Variants in CNKSR3 observed in about 807,000 individuals in gnomAD.
CNKSR3 encodes CNKSR family member 3, also known as connector enhancer of kinase suppressor of ras 3.
A neutral mutation model predicts 67.7 loss-of-function variants in CNKSR3; 36 were observed. The ratio of observed to expected loss-of-function variants is 0.53; its 90% CI spans 0.41 to 0.70. The LOEUF is 0.70. Among genes scored for constraint, CNKSR3 ranks in the 30% least tolerant of loss-of-function variants. The probability of loss-of-function intolerance (pLI) is 0.00; values close to 1 mark genes in which losing one functional copy is unlikely to be tolerated. For synonymous variants in CNKSR3, 281 were observed against 271.4 expected (o/e 1.04, Z -0.35); for missense variants, 630 against 695.2 (o/e 0.91, Z 1.05).
rs41292910 is a variant in CNKSR3, at chr6:154,414,362, T to C, written c.1007A>G (p.Lys336Arg). ...PESTMDTSLK[K>R]EKSAILDLYI... Reference sequence around the variant, plus strand: ...AAGATCCAGGATGGCTGACTTCTCCTTCTTCAGTGAGGTATCCATAGTGCT... The same window carrying C: ...AAGATCCAGGATGGCTGACTTCTCCCTCTTCAGTGAGGTATCCATAGTGCT... The change falls in exon 10 of 13, where the codon AAG becomes AGG. Residue 336 changes from lysine to arginine, a missense_variant. Coordinates refer to ENST00000607772, the MANE Select transcript of CNKSR3 (RefSeq NM_173515.4). 2,506 of 1,612,130 alleles carry C rather than the reference T, an allele frequency of 1.6e-3. 5 individuals carry two copies. Among genetic ancestry groups the C allele is most frequent in the Non-Finnish European group, 2.0e-3 (2,313 of 1,179,316 alleles).
chr6:154,494,406 A>G (rs1271099181), intron 1 of CNKSR3, among the ~76,000 whole-genome samples: 1 of 152,180 alleles, frequency 6.6e-6, no homozygotes, highest in Non-Finnish European at 1.5e-5. Context: ...ACAACTCAAG[A>G]TGAGATTTGG....
In CNKSR3 at chr6:154,389,152, G is replaced by A. The variant is rs1433770881; in HGVS notation, c.*17202C>T. The stretch of plus-strand genomic sequence containing the variant: ...CCTGTGTTTTGGGGGTCATATCCAT[G>A]AAATCATTGACAAGACCAATGTCAA... On this transcript the variant is annotated 3_prime_UTR_variant, in exon 13 of 13. Coordinates refer to ENST00000607772, the MANE Select transcript of CNKSR3 (RefSeq NM_173515.4). The A allele has an allele frequency of 6.6e-6, 1 of 152,168 alleles. No individual in the cohort carries two copies. The highest frequency in any genetic ancestry group is 1.5e-5 in the Non-Finnish European group (1 of 68,024). 9.4% of individuals were successfully genotyped at this position (152,168 alleles called of 1,614,324 possible).
At chr6:154,425,019 G>A (rs9479848) in intron 7 of CNKSR3, among the ~76,000 whole-genome samples, 15,339 of 152,188 alleles carry the variant, frequency 0.1, 1,543 homozygotes, top group African/African-American at 0.27. Flanking sequence ...TAATCCGCCC[G>A]CCTTGGCCTC....
intron 4 of CNKSR3, 22 bp from the exon 5 acceptor site, chr6:154,433,529 A>G: frequency 6.4e-7 from 1 of 1,561,798 alleles, no homozygotes; most frequent in Non-Finnish European, 8.8e-7. Flanking sequence ...GATGGAGAAA[A>G]TGAATACTAA....
At chr6:154,458,591 C>T (rs762459281) in intron 1 of CNKSR3, among the ~76,000 whole-genome samples, 3 of 152,058 alleles carry the variant, frequency 2.0e-5, no homozygotes, top group Non-Finnish European at 2.9e-5. Context: ...CCCTCGGGCC[C>T]CTTTGCTGCC....
At chr6:154,430,098 G>C (rs1055904089) in intron 6 of CNKSR3, among the ~76,000 whole-genome samples, 2 of 152,170 alleles carry the variant, frequency 1.3e-5, no homozygotes, top group Non-Finnish European at 2.9e-5. Context: ...AAGAATCACT[G>C]CCTTCAGCCA....
chr6:154,426,733 G>C (rs1372997829), intron 7 of CNKSR3, among the ~76,000 whole-genome samples: 1 of 152,174 alleles, frequency 6.6e-6, no homozygotes, highest in African/African-American at 2.4e-5. Context: ...TAGTGCTCCA[G>C]ATCCAAGAGG....
At chr6:154,463,499 G>T (rs1290476682) in intron 1 of CNKSR3, among the ~76,000 whole-genome samples, 1 of 152,140 alleles carries the variant, frequency 6.6e-6, no homozygotes, top group Non-Finnish European at 1.5e-5. Flanking sequence ...AGTACGGCAG[G>T]GGAAGAATCC....
intron 1 of CNKSR3, among the ~76,000 whole-genome samples, chr6:154,491,384 C>A (rs903670008): frequency 1.3e-5 from 2 of 152,208 alleles, no homozygotes; most frequent in African/African-American, 2.4e-5. Flanking sequence ...CTGGTGAATT[C>A]TATTTCAAGT....
intron 4 of CNKSR3, among the ~76,000 whole-genome samples, chr6:154,440,272 A>C (rs988167015): frequency 6.6e-6 from 1 of 152,166 alleles, no homozygotes; most frequent in South Asian, 2.1e-4. Context: ...TCAGAATTGC[A>C]TCTCTGTTAT....
chr6:154,416,070 CG>C (rs1432287535), intron 9 of CNKSR3, among the ~76,000 whole-genome samples: 1 of 152,050 alleles, frequency 6.6e-6, no homozygotes, highest in Non-Finnish European at 1.5e-5. Context: ...CACTTGAGCT[CG>C]AGAGTTCAAG....
chr6:154,433,562 G>A, intron 4 of CNKSR3, 55 bp from the exon 5 acceptor site: 8 of 1,346,904 alleles, frequency 5.9e-6, no homozygotes, highest in Non-Finnish European at 8.4e-6. Flanking sequence ...AAAACGTTCA[G>A]AACTGTTGGC....
rs1256807752 is a variant in CNKSR3, at chr6:154,393,503, T to C, written c.*12851A>G. 2 of 152,244 alleles carry C rather than the reference T, an allele frequency of 1.3e-5. No individual in the cohort carries two copies. The highest frequency in any genetic ancestry group is 2.9e-5 in the Non-Finnish European group (2 of 68,038). 9.4% of individuals were successfully genotyped at this position (152,244 alleles called of 1,614,324 possible). A position where few individuals can be genotyped will look rare whatever the true frequency, so the allele number is the denominator to read the frequency against. ...TTGCAAAATGCCTTTTCGCTCGTTT[T>C]TGTGTTGATTTGTCATTCTCTTGCC... On this transcript the variant is annotated 3_prime_UTR_variant, in exon 13 of 13. Coordinates refer to ENST00000607772, the MANE Select transcript of CNKSR3 (RefSeq NM_173515.4).
chr6:154,452,855 G>T (rs985572935), intron 1 of CNKSR3, among the ~76,000 whole-genome samples: 1 of 152,152 alleles, frequency 6.6e-6, no homozygotes, highest in Non-Finnish European at 1.5e-5. Flanking sequence ...AAGGAGAGAG[G>T]CCTCAGAAGA....
In CNKSR3 at chr6:154,411,055, G is replaced by T. The variant is rs1248130022; in HGVS notation, c.1158C>A (p.Ser386=). 1.2e-6 allele frequency: 2 copies of T among 1,614,138 alleles called. No homozygotes were observed. Among genetic ancestry groups the T allele is most frequent in the Non-Finnish European group, 1.7e-6 (2 of 1,180,018 alleles). Residue 386 remains serine (S), a synonymous_variant, in exon 11 of 13, where the codon TCC becomes TCA. Coordinates refer to ENST00000607772, the MANE Select transcript of CNKSR3 (RefSeq NM_173515.4). ...PGPKGSESPN[S]FLDQESRRRR... The stretch of plus-strand genomic sequence containing the variant: ...GTCTCCGGCTTTCCTGGTCCAAGAA[G>T]GAATTCGGGGACTCTGAACCCTTAG...
Position 154,392,347 on chromosome 6 carries a change from G to T in CNKSR3, c.*14007C>A, listed in dbSNP as rs1236493981. 6.6e-6 allele frequency: 1 copy of T among 152,162 alleles called. No homozygotes were observed. Among genetic ancestry groups the T allele is most frequent in the African/African-American group, 2.4e-5 (1 of 41,432 alleles). 9.4% of individuals were successfully genotyped at this position (152,162 alleles called of 1,614,324 possible). The stretch of plus-strand genomic sequence containing the variant: ...TTTACTTGCTGCAGAATATTCCATG[G>T]TAAGAATATACCACATGTAAACCTT... On this transcript the variant is annotated 3_prime_UTR_variant, in exon 13 of 13. Coordinates refer to ENST00000607772, the MANE Select transcript of CNKSR3 (RefSeq NM_173515.4).
At position 154,405,149 on chromosome 6, in the gene CNKSR3, C is replaced by A. The variant is rs1414079737; in HGVS notation, c.*1205G>T. 6.6e-6 allele frequency: 1 copy of A among 152,502 alleles called. No homozygotes were observed. Among genetic ancestry groups the A allele is most frequent in the Non-Finnish European group, 1.5e-5 (1 of 68,024 alleles). The allele number at this position is 152,502 out of a possible 1,614,324, so 9.4% of individuals were successfully genotyped here. On this transcript the variant is annotated 3_prime_UTR_variant, in exon 13 of 13. Transcript: ENST00000607772. ...TTCTAATCCATAAAATCCCAAAATG[C>A]TTGGGAGGGTTTATTTTGATTTTTT... is the stretch of plus-strand genomic sequence containing the variant.
chr6:154,413,139 T>C (rs1784942362), intron 10 of CNKSR3, among the ~76,000 whole-genome samples: 2 of 144,994 alleles, frequency 1.4e-5, no homozygotes, highest in African/African-American at 2.6e-5. Flanking sequence ...GAATTTATGG[T>C]ACACACACAC....
At position 154,387,840 on chromosome 6, in the gene CNKSR3, T is replaced by C. The variant is rs549920687; in HGVS notation, c.*18514A>G. The C allele has an allele frequency of 2.8e-4, 42 of 152,338 alleles. 1 individual carries two copies. The South Asian group carries it at 6.2e-3, about 23-fold the overall frequency. The allele number at this position is 152,338 out of a possible 1,614,324, so 9.4% of individuals were successfully genotyped here. ...TTTTTTATCATTTGAAATAATAGCT[T>C]ATAAATAACATTGGTCCAGAACTAA... On this transcript the variant is annotated 3_prime_UTR_variant, in exon 13 of 13. Coordinates refer to ENST00000607772, the MANE Select transcript of CNKSR3 (RefSeq NM_173515.4).
Sources: gnomAD v4.1 joint callset for allele counts (sites outside exome capture counted in the v4.1 genomes callset) on GRCh38, gnomAD v4.1.1 for gene constraint, MANE v1.5 for transcripts, NCBI Gene and HGNC (gene_info 2026-07-23, HGNC 2026-07-21) for gene names.